Variants in CHEK2 observed in about 807,000 individuals in gnomAD.
CHEK2 encodes the protein checkpoint kinase 2.
CHEK2 carries 71 observed loss-of-function variants against 69.1 expected under a neutral mutation model. The ratio of observed to expected loss-of-function variants is 1.03; its 90% CI spans 0.85 to 1.25. The LOEUF (loss-of-function observed/expected upper bound fraction) is 1.25. CHEK2 is among the 50% of genes most tolerant of loss of function. The pLI is 0.00. For missense variants in CHEK2, 664 were observed against 649.6 expected (o/e 1.02, Z -0.24); for synonymous variants, 189 against 226.9 (o/e 0.83, Z 1.50).
At chr22:28,705,299 GA>G (rs2053074201) in intron 7 of CHEK2, among the ~76,000 whole-genome samples, 1 of 151,432 alleles carries the variant, frequency 6.6e-6, no homozygotes, top group South Asian at 2.1e-4. Flanking sequence ...GGCCAGTCTT[GA>G]ACTCCTGACC....
chr22:28,713,020 T>G (rs17885618), intron 5 of CHEK2, among the ~76,000 whole-genome samples: 3,550 of 152,304 alleles, frequency 0.023, 66 homozygotes, highest in African/African-American at 0.049. Context: ...TGGCAACCAC[T>G]AATCTACTTT....
chr22:28,728,880 A>C (rs999186226), intron 2 of CHEK2, among the ~76,000 whole-genome samples: 4 of 152,128 alleles, frequency 2.6e-5, no homozygotes, highest in African/African-American at 9.7e-5. Context: ...GCTACTCAGG[A>C]GGCTGAGGTA....
intron 2 of CHEK2, chr22:28,730,321 G>GGGAAA (rs1022531094): frequency 4.6e-6 from 2 of 436,362 alleles, no homozygotes; most frequent in Non-Finnish European, 8.0e-6. Flanking sequence ...GAAAGCAGAA[G>GGGAAA]GGAAAGGAAA....
intron 12 of CHEK2, 35 bp from the exon 13 acceptor site, chr22:28,694,152 G>A (rs2052475949): frequency 7.3e-7 from 1 of 1,375,808 alleles, no homozygotes; most frequent in African/African-American, 1.4e-5. Flanking sequence ...CAGTGAAAAG[G>A]ATAAATATAT....
intron 1 of CHEK2, chr22:28,737,421 T>A: frequency 2.7e-6 from 1 of 367,652 alleles, no homozygotes; most frequent in Non-Finnish European, 5.5e-6. Flanking sequence ...AAGGGTGACA[T>A]GAACACAAGC....
chr22:28,696,813 T>C (rs759514384), intron 10 of CHEK2, 88 bp downstream of exon 10: 1 of 856,046 alleles, frequency 1.2e-6, no homozygotes, highest in Non-Finnish European at 2.0e-6. Flanking sequence ...TCTCATCCTT[T>C]TTACGCTCCC....
intron 8 of CHEK2, among the ~76,000 whole-genome samples, chr22:28,702,233 ATT>A (rs71709249): frequency 7.8e-6 from 1 of 128,282 alleles, no homozygotes; most frequent in African/African-American, 3.0e-5. Context: ...TTCTTTCTCT[ATT>A]TTTTTTTTTT....
intron 8 of CHEK2, among the ~76,000 whole-genome samples, chr22:28,701,131 AGGT>A (rs2052827957): frequency 6.6e-6 from 1 of 152,126 alleles, no homozygotes; most frequent in Non-Finnish European, 1.5e-5. Flanking sequence ...GGATTCAGTC[AGGT>A]AACAATCTCC....
chr22:28,727,200 C>T (rs1286196380), intron 2 of CHEK2, among the ~76,000 whole-genome samples: 8 of 152,098 alleles, frequency 5.3e-5, no homozygotes, highest in Non-Finnish European at 1.5e-5. Context: ...TGCCACCATG[C>T]CCAGCTAATT....
chr22:28,734,140 T>G (rs532510051), intron 2 of CHEK2, among the ~76,000 whole-genome samples: 1 of 152,108 alleles, frequency 6.6e-6, no homozygotes, highest in Admixed American at 6.6e-5. Flanking sequence ...TAGAGGGTAC[T>G]TGAACCCCAG....
chr22:28,739,309 C>T (rs1426907857), intron 1 of CHEK2, among the ~76,000 whole-genome samples: 1 of 152,090 alleles, frequency 6.6e-6, no homozygotes, highest in Admixed American at 6.6e-5. Flanking sequence ...TCCGAAAAGA[C>T]ATTTCTCGAA....
intron 13 of CHEK2, among the ~76,000 whole-genome samples, chr22:28,690,445 A>G (rs1009507065): frequency 1.3e-5 from 2 of 152,028 alleles, no homozygotes; most frequent in African/African-American, 4.8e-5. Context: ...CCTGGCTAAC[A>G]TGGTGAAACC....
chr22:28,698,029 G>A (rs780073661), intron 9 of CHEK2, among the ~76,000 whole-genome samples: 4 of 151,742 alleles, frequency 2.6e-5, no homozygotes, highest in Non-Finnish European at 4.4e-5. Flanking sequence ...GGCTTGCGTT[G>A]TACCCCATAA....
At chr22:28,700,353 A>G (rs2052792086) in intron 8 of CHEK2, among the ~76,000 whole-genome samples, 1 of 151,966 alleles carries the variant, frequency 6.6e-6, no homozygotes, top group Non-Finnish European at 1.5e-5. Context: ...CTGGGATTAC[A>G]GGTATGCACC....
In CHEK2 at chr22:28,688,006, G is replaced by C. The variant is rs551645416; in HGVS notation, c.1543-20C>G. 15 of 1,566,492 alleles carry C rather than the reference G, an allele frequency of 9.6e-6. No homozygotes were observed. The African/African-American group carries it at 1.2e-4, about 13-fold the overall frequency. On this transcript the variant is annotated intron_variant, in intron 14 of 14. Coordinates refer to ENST00000404276, the MANE Select transcript of CHEK2 (RefSeq NM_007194.4). Reference sequence around the variant, plus strand: ...AGAAGGCTGAAAATAAAGGAAAATGGAGAAATGTTCAAAAGAAAATCACTG... The same window carrying C: ...AGAAGGCTGAAAATAAAGGAAAATGCAGAAATGTTCAAAAGAAAATCACTG...
chr22:28,713,122 T>G (rs2053462375), intron 5 of CHEK2, among the ~76,000 whole-genome samples: 1 of 152,236 alleles, frequency 6.6e-6, no homozygotes, highest in South Asian at 2.1e-4. Flanking sequence ...TCACTTAGCG[T>G]AATGCCATAA....
rs587780192 is a variant in CHEK2 at position 28,699,929 on chromosome 22, C to G, written c.917G>C (p.Gly306Ala). ...CACCACTTTGTCAAACAGCTCTCCCCCTTCCATCCTGAAACACAAAGGCAA... is the reference window on the plus strand; with the variant it reads ...CACCACTTTGTCAAACAGCTCTCCCGCTTCCATCCTGAAACACAAAGGCAA... ...DYYIVLELME[G>A]GELFDKVVGN... Residue 306 changes from glycine (G) to alanine (A), a missense_variant, in exon 9 of 15, where the codon GGG becomes GCG. Transcript: ENST00000404276. 39 of 1,613,212 alleles carry G rather than the reference C, an allele frequency of 2.4e-5. No individual in the cohort carries two copies. The highest frequency in any genetic ancestry group is 1.6e-4 in the Middle Eastern group (1 of 6,080).
At chr22:28,726,543 T>C (rs866847853) in intron 2 of CHEK2, among the ~76,000 whole-genome samples, 14 of 145,904 alleles carry the variant, frequency 9.6e-5, no homozygotes, top group Non-Finnish European at 1.8e-4. Flanking sequence ...ATTTATAATA[T>C]AGTAATTATA....
intron 7 of CHEK2, among the ~76,000 whole-genome samples, chr22:28,707,983 C>A (rs1296310863): frequency 6.6e-6 from 1 of 151,776 alleles, no homozygotes; most frequent in Non-Finnish European, 1.5e-5. Flanking sequence ...ACTACACGCA[C>A]CCGCCACCAC....
Sources: gnomAD v4.1 joint callset for allele counts (sites outside exome capture counted in the v4.1 genomes callset) on GRCh38, gnomAD v4.1.1 for gene constraint, MANE v1.5 for transcripts, NCBI Gene and HGNC (gene_info 2026-07-23, HGNC 2026-07-21) for gene names.